The following NIT1 variants were observed in gnomAD, a reference collection of about 807,000 sequenced individuals.
The protein encoded by NIT1 is nitrilase 1.
Under a neutral mutation model 36.8 loss-of-function variants are expected in NIT1, and 30 were observed. The ratio of observed to expected loss-of-function variants is 0.82; its 90% CI spans 0.61 to 1.11. The LOEUF (loss-of-function observed/expected upper bound fraction) is 1.11, where lower values mean the gene tolerates loss of function less well. Ranked by LOEUF, NIT1 falls within the 50% of genes least tolerant of loss-of-function variation. The pLI is 0.00. For missense variants in NIT1, 438 were observed against 410.6 expected, an observed-to-expected ratio of 1.07 and a Z score of -0.58; for synonymous variants, 151 against 155.6, an observed-to-expected ratio of 0.97 and a Z score of 0.22.
At position 161,119,121 on chromosome 1, in the gene NIT1, A is replaced by G. The variant is rs187552008; in HGVS notation, c.99-13A>G. ...GCTATGAAATCTGAGAATCCTGCCTATGCTGTTCACAGGCCCAGAGCCATG... is the reference window on the plus strand; with the variant it reads ...GCTATGAAATCTGAGAATCCTGCCTGTGCTGTTCACAGGCCCAGAGCCATG... On this transcript the variant is annotated splice_polypyrimidine_tract_variant and intron_variant, in intron 2 of 6. Transcript: ENST00000368009. 11,706 of 1,612,804 alleles carry G rather than the reference A, an allele frequency of 7.3e-3. 64 individuals are homozygous for G. Among genetic ancestry groups the G allele is most frequent in the Non-Finnish European group, 9.0e-3 (10,589 of 1,179,630 alleles).
chr1:161,123,736 G>T, downstream of NIT1: 1 of 1,029,768 alleles, frequency 9.7e-7, no homozygotes, highest in Non-Finnish European at 1.4e-6. Context: ...CAAGATGTGG[G>T]CGCACAGCAT....
In NIT1 at chr1:161,119,897, A is replaced by G. The variant is rs766283851; in HGVS notation, c.536A>G (p.Asn179Ser). The G allele has an allele frequency of 9.9e-6, 16 of 1,612,764 alleles. No homozygotes were observed. The highest frequency in any genetic ancestry group is 1.1e-5 in the Non-Finnish European group (13 of 1,179,754). The change falls in exon 5 of 7, where the codon AAC becomes AGC. Residue 179 changes from asparagine (N) to serine (S), a missense_variant. Physicochemically the swap from Asn to Ser is conservative, Grantham distance 46 (BLOSUM62 1). Coordinates refer to ENST00000368009, the MANE Select transcript of NIT1 (RefSeq NM_005600.3). ...GGGCAGGGGCCTATGTGTGAAAGCA[A>G]CTCTACCATGCCTGGGCCCAGTCTT... Reference protein sequence around the residue: ...IPGQGPMCESNSTMPGPSLES... With the variant: ...IPGQGPMCESSSTMPGPSLES...
At position 161,120,755 on chromosome 1, in the gene NIT1, C is replaced by A; in HGVS notation, c.974C>A (p.Pro325Gln). 6.2e-7 allele frequency: 1 copy of A among 1,613,148 alleles called. No homozygotes were observed. The highest frequency in any genetic ancestry group is 1.7e-4 in the Middle Eastern group (1 of 6,060). The change falls in exon 7 of 7, where the codon CCA (proline) becomes CAA (glutamine). Residue 325 changes from proline (P) to glutamine (Q), a missense_variant. By Grantham distance (76) the Pro-to-Gln change is moderately conservative (BLOSUM62 -1). Coordinates refer to ENST00000368009, the MANE Select transcript of NIT1 (RefSeq NM_005600.3). ...RPDLYGNLGH[P>Q]LS Reference sequence around the variant, plus strand: ...GACCTCTATGGCAATCTGGGTCACCCACTGTCTTAAGACTTGACTTCTGTG... The same window carrying A: ...GACCTCTATGGCAATCTGGGTCACCAACTGTCTTAAGACTTGACTTCTGTG...
At chr1:161,124,295 G>A (rs770170298), downstream of NIT1, 16 of 1,614,112 alleles carry the variant, frequency 9.9e-6, no homozygotes, top group Middle Eastern at 1.6e-4. Context: ...GTCCACGCTC[G>A]TGGTCATCAA....
At position 161,119,594 on chromosome 1, in the gene NIT1, G is replaced by C; in HGVS notation, c.439G>C (p.Val147Leu). ...EQTQKIYNCH[V>L]LLNSKGAVVA... Reference sequence around the variant, plus strand: ...GACTCAGAAAATCTACAATTGTCACGTGCTGCTGAACAGCAAAGGTGAGAC... The same window carrying C: ...GACTCAGAAAATCTACAATTGTCACCTGCTGCTGAACAGCAAAGGTGAGAC... Residue 147 changes from valine (V) to leucine (L), a missense_variant, in exon 4 of 7, where the codon GTG becomes CTG. By Grantham distance (32) the Val-to-Leu change is conservative. Transcript: ENST00000368009. 1.2e-6 allele frequency: 2 copies of C among 1,614,080 alleles called. No individual in the cohort carries two copies. Among genetic ancestry groups the C allele is most frequent in the Non-Finnish European group, 1.7e-6 (2 of 1,179,960 alleles).
chr1:161,118,606 T>C, intron 1 of NIT1, 180 bp from the exon 2 acceptor site: 1 of 1,534,832 alleles, frequency 6.5e-7, no homozygotes, highest in Non-Finnish European at 8.7e-7. Context: ...CCTTTCTCCA[T>C]CTTCCCACTG....
chr1:161,122,641 C>CT (rs1252227274), downstream of NIT1: 1 of 1,261,224 alleles, frequency 7.9e-7, no homozygotes, highest in Non-Finnish European at 1.1e-6. The surrounding 1 kb of genome is among the most constrained non-coding windows in gnomAD (Gnocchi z 4.2). Context: ...CACCTGACAG[C>CT]TTCTCTACCT....
At chr1:161,122,792 C>G (rs544817821), downstream of NIT1, among the ~76,000 whole-genome samples, 1 of 152,280 alleles carries the variant, frequency 6.6e-6, no homozygotes, top group Admixed American at 6.5e-5. The surrounding 1 kb of genome is among the most constrained non-coding windows in gnomAD (Gnocchi z 4.2). Flanking sequence ...TTCCTAATTA[C>G]CAGGCATAGA....
chr1:161,118,998 G>T, intron 2 of NIT1, 117 bp downstream of exon 2: 1 of 1,349,300 alleles, frequency 7.4e-7, no homozygotes, highest in South Asian at 1.2e-5. Context: ...AGCCCTACTA[G>T]CCCTGGGTCA....
intron 1 of NIT1, 175 bp from the exon 2 acceptor site, chr1:161,118,611 C>G: frequency 6.5e-7 from 1 of 1,533,048 alleles, no homozygotes; most frequent in Non-Finnish European, 8.7e-7. Flanking sequence ...CTCCATCTTC[C>G]CACTGTATGG....
At chr1:161,123,796 T>C, downstream of NIT1, 1 of 1,540,632 alleles carries the variant, frequency 6.5e-7, no homozygotes, top group Non-Finnish European at 8.9e-7. Context: ...TCAGTGTCCT[T>C]TTACTTGATG....
chr1:161,119,873 G>A lies in NIT1; in HGVS notation c.512G>A (p.Gly171Glu). The A allele has an allele frequency of 6.2e-7, 1 of 1,613,130 alleles. No homozygotes were observed. Among genetic ancestry groups the A allele is most frequent in the South Asian group, 1.1e-5 (1 of 90,942 alleles). ...KTHLCDVEIP[G>E]QGPMCESNST... ...CATCTGTGTGACGTAGAGATTCCAG[G>A]GCAGGGGCCTATGTGTGAAAGCAAC... The change falls in exon 5 of 7, where the codon GGG becomes GAG. Residue 171 changes from glycine to glutamate, a missense_variant. Physicochemically the swap from Gly to Glu is moderately conservative, Grantham distance 98 (BLOSUM62 -2). Coordinates refer to ENST00000368009, the MANE Select transcript of NIT1 (RefSeq NM_005600.3).
At chr1:161,120,034 G>C in intron 5 of NIT1, 73 bp from the exon 6 acceptor site, 1 of 1,608,618 alleles carries the variant, frequency 6.2e-7, no homozygotes, top group Non-Finnish European at 8.5e-7. Flanking sequence ...AAGAGAGGGG[G>C]TAATGGAAAT....
chr1:161,120,538 G>T lies in NIT1; in HGVS notation c.757G>T (p.Val253Leu). Reference sequence around the variant, plus strand: ...CCGTGCTATCGAAACCCAGTGCTATGTAGTGGCAGCAGCACAGTGTGGACG... The same window carrying T: ...CCGTGCTATCGAAACCCAGTGCTATTTAGTGGCAGCAGCACAGTGTGGACG... The part of the protein sequence containing the change: ...RARAIETQCY[V>L]VAAAQCGRHH... The change falls in exon 7 of 7, where the codon GTA (valine) becomes TTA (leucine). Residue 253 changes from valine (V) to leucine (L), a missense_variant. Transcript: ENST00000368009. The T allele has an allele frequency of 6.2e-7, 1 of 1,614,198 alleles. No individual in the cohort carries two copies. Among genetic ancestry groups the T allele is most frequent in the Admixed American group, 1.7e-5 (1 of 60,024 alleles).
chr1:161,120,245 C>T lies in NIT1; in HGVS notation c.717+13C>T, dbSNP rs1458409049. On this transcript the variant is annotated intron_variant, in intron 6 of 6. Transcript: ENST00000368009. ...AGCCCACTGGGAGGTAAGATGATGCCTTTTTAAAACATAAGGGCCTTTTCT... is the reference window on the plus strand; with the variant it reads ...AGCCCACTGGGAGGTAAGATGATGCTTTTTTAAAACATAAGGGCCTTTTCT... The T allele has an allele frequency of 2.5e-6, 4 of 1,613,554 alleles. No homozygotes were observed. Among genetic ancestry groups the T allele is most frequent in the Non-Finnish European group, 2.5e-6 (3 of 1,179,824 alleles).
intron 6 of NIT1, 79 bp downstream of exon 6, chr1:161,120,311 T>A (rs763370111): frequency 3.7e-5 from 58 of 1,552,632 alleles, no homozygotes; most frequent in Non-Finnish European, 4.8e-5. Context: ...GTTAAATTCC[T>A]TCCCCTTTCC....
At chr1:161,120,046 T>C (rs948568373) in intron 5 of NIT1, 61 bp from the exon 6 acceptor site, 12 of 1,610,222 alleles carry the variant, frequency 7.5e-6, no homozygotes, top group Middle Eastern at 1.7e-4. Context: ...AATGGAAATA[T>C]GACTAGATGC....
chr1:161,122,041 A>AG, downstream of NIT1: 2 of 1,313,602 alleles, frequency 1.5e-6, no homozygotes, highest in Non-Finnish European at 2.1e-6. This position sits in a 1 kb window ranked among gnomAD's most constrained non-coding sequence, Gnocchi z 4.2. Flanking sequence ...AAAAAAAAAA[A>AG]GGCAGGGGTG....
At chr1:161,123,734 G>A, downstream of NIT1, 2 of 1,003,888 alleles carry the variant, frequency 2.0e-6, no homozygotes, top group Non-Finnish European at 1.5e-6. Flanking sequence ...GGCAAGATGT[G>A]GGCGCACAGC....
Sources: allele counts gnomAD v4.1 joint callset (sites outside exome capture counted in the v4.1 genomes callset), GRCh38; gene constraint gnomAD v4.1.1; non-coding constraint Gnocchi (gnomAD v3.1); transcripts MANE v1.5; gene names NCBI Gene and HGNC (gene_info 2026-07-23, HGNC 2026-07-21).